Variants in PRPF38A observed in about 807,000 individuals in gnomAD.
The protein encoded by PRPF38A is pre-mRNA-splicing factor 38A.
In PRPF38A, 11 loss-of-function variants were observed where a neutral mutation model predicts 46.8. That is an observed-to-expected ratio of 0.24 (90% CI 0.15 to 0.39). PRPF38A has a LOEUF of 0.39. PRPF38A is among the 10% of genes least tolerant of loss of function. The probability of loss-of-function intolerance (pLI) is 1.00; values close to 1 mark genes in which losing one functional copy is unlikely to be tolerated. For synonymous variants in PRPF38A, 124 were observed against 136.2 expected, an observed-to-expected ratio of 0.91 and a Z score of 0.62; for missense variants, 261 against 407.5, an observed-to-expected ratio of 0.64 and a Z score of 3.10.
Position 52,418,327 on chromosome 1 carries a change from T to C in PRPF38A, c.*1637T>C, listed in dbSNP as rs985531979. 7 of 152,344 alleles carry C rather than the reference T, an allele frequency of 4.6e-5. No individual in the cohort carries two copies. The highest frequency in any genetic ancestry group is 1.7e-4 in the African/African-American group (7 of 41,584). The allele number at this position is 152,344 out of a possible 1,614,324, so 9.4% of individuals were successfully genotyped here. A position where few individuals can be genotyped will look rare whatever the true frequency, so the allele number is the denominator to read the frequency against. ...GCATCTGTACGTAAATGTATTACAGTGTCATAGCAGTTATTTCTTTATGAA... is the reference window on the plus strand; with the variant it reads ...GCATCTGTACGTAAATGTATTACAGCGTCATAGCAGTTATTTCTTTATGAA... On this transcript the variant is annotated 3_prime_UTR_variant, in exon 10 of 10. Transcript: ENST00000257181.
intron 1 of PRPF38A, 100 bp from the exon 2 acceptor site, chr1:52,405,580 C>G: frequency 9.8e-7 from 1 of 1,021,002 alleles, no homozygotes; most frequent in Non-Finnish European, 1.5e-6. Context: ...TAATATTACA[C>G]TGTTGATGTA....
Position 52,415,832 on chromosome 1 carries a change from C to CTTTTT in PRPF38A, c.896+470_896+474dup, listed in dbSNP as rs71041898. 2.5e-4 allele frequency among the ~76,000 whole-genome samples: 13 copies of CTTTTT among 51,610 alleles called. 4 individuals are homozygous for CTTTTT. The highest frequency in any genetic ancestry group is 1.0e-3 in the African/African-American group (11 of 10,890). 33.9% of individuals were successfully genotyped at this position (51,610 alleles called of 152,430 possible). On this transcript the variant is annotated intron_variant, in intron 9 of 9. Coordinates refer to ENST00000257181, the MANE Select transcript of PRPF38A (RefSeq NM_032864.4). Reference sequence around the variant, plus strand: ...TGTGCCATATACCGTTGGGTGCACTCTTTTTTTTTTTTTTTTTTTTTTTTT... The same window carrying CTTTTT: ...TGTGCCATATACCGTTGGGTGCACTCTTTTTTTTTTTTTTTTTTTTTTTTTTTTTT...
Position 52,420,140 on chromosome 1 carries a change from A to ATTT in PRPF38A, c.*3452_*3454dup, listed in dbSNP as rs1296438008. 6.6e-6 allele frequency: 1 copy of ATTT among 152,234 alleles called. No individual in the cohort carries two copies. The highest frequency in any genetic ancestry group is 6.5e-5 in the Admixed American group (1 of 15,292). The allele number at this position is 152,234 out of a possible 1,614,324, so 9.4% of individuals were successfully genotyped here. On this transcript the variant is annotated 3_prime_UTR_variant, in exon 10 of 10. Transcript: ENST00000257181. ...AAAGGTTTGAGAAAAAGTGCCAGGAATTTTATACTTTGCCAAAGTTGTCTT... is the reference window on the plus strand; with the variant it reads ...AAAGGTTTGAGAAAAAGTGCCAGGAATTTTTTTATACTTTGCCAAAGTTGTCTT...
chr1:52,408,795 A>G (rs1024873258), intron 3 of PRPF38A, 105 bp downstream of exon 3: 22 of 1,351,302 alleles, frequency 1.6e-5, no homozygotes, highest in African/African-American at 5.8e-5. Context: ...GCTCCTTTTC[A>G]TCTACATTGT....
In PRPF38A at chr1:52,414,756, C is replaced by G. The variant is rs1648242343; in HGVS notation, c.750-6C>G. On this transcript the variant is annotated splice_region_variant and splice_polypyrimidine_tract_variant and intron_variant, in intron 7 of 9. Coordinates refer to ENST00000257181, the MANE Select transcript of PRPF38A (RefSeq NM_032864.4). ...GATCTGGTAGTCTGACCAGTCTTTT[C>G]TACAGCCCCTCCCCTCGCCGAGAAA... The G allele has an allele frequency of 6.2e-7, 1 of 1,613,998 alleles. No individual in the cohort carries two copies. The highest frequency in any genetic ancestry group is 8.5e-7 in the Non-Finnish European group (1 of 1,180,030).
At chr1:52,414,685 T>C (rs771136103) in intron 7 of PRPF38A, 38 bp downstream of exon 7, 2 of 1,613,976 alleles carry the variant, frequency 1.2e-6, no homozygotes, top group Non-Finnish European at 1.7e-6. Flanking sequence ...GATAGGGCTT[T>C]GGGGAGGGGG....
chr1:52,415,965 C>T (rs1648280569), intron 9 of PRPF38A, among the ~76,000 whole-genome samples: 1 of 148,578 alleles, frequency 6.7e-6, no homozygotes, highest in South Asian at 2.1e-4. Flanking sequence ...GCCTCAGCTT[C>T]TCGAGTAGCT....
Position 52,414,811 on chromosome 1 carries a change from C to T in PRPF38A, c.799C>T (p.Arg267Cys), listed in dbSNP as rs758321944. The change falls in exon 8 of 10, where the codon CGC (arginine) becomes TGC (cysteine). Residue 267 changes from arginine to cysteine, a missense_variant. Physicochemically the swap from Arg to Cys is radical, Grantham distance 180. Coordinates refer to ENST00000257181, the MANE Select transcript of PRPF38A (RefSeq NM_032864.4). ...RHRSKSPRRHRSRSRDRRHRS... is the reference protein window; with the variant it reads ...RHRSKSPRRHCSRSRDRRHRS... The stretch of plus-strand genomic sequence containing the variant: ...TCGGAGCAAGAGTCCAAGACGTCAC[C>T]GCAGCAGGTCCCGAGATCGGCGGCA... 8.7e-6 allele frequency: 14 copies of T among 1,613,996 alleles called. No individual in the cohort carries two copies. The highest frequency in any genetic ancestry group is 3.3e-5 in the Admixed American group (2 of 59,998).
chr1:52,415,306 A>C lies in PRPF38A; in HGVS notation c.848-32A>C, dbSNP rs191261569. 1,324 of 1,606,954 alleles carry C rather than the reference A, an allele frequency of 8.2e-4. 18 individuals are homozygous for C. Among genetic ancestry groups the C allele is most frequent in the South Asian group, 8.0e-3 (723 of 90,774 alleles). On this transcript the variant is annotated intron_variant, in intron 8 of 9. Coordinates refer to ENST00000257181, the MANE Select transcript of PRPF38A (RefSeq NM_032864.4). The stretch of plus-strand genomic sequence containing the variant: ...GACAGTTTAATAAGAGTAGAAGGGT[A>C]GGATCTTATGCAATGGCCTTTTCTT...
At chr1:52,414,691 G>A (rs112113713) in intron 7 of PRPF38A, 44 bp downstream of exon 7, 1 of 1,613,620 alleles carries the variant, frequency 6.2e-7, no homozygotes, top group South Asian at 1.1e-5. Context: ...GCTTTGGGGA[G>A]GGGGTGGTGG....
chr1:52,406,836 C>T (rs1648010796), intron 2 of PRPF38A, among the ~76,000 whole-genome samples: 1 of 152,134 alleles, frequency 6.6e-6, no homozygotes, highest in South Asian at 2.1e-4. Context: ...GAAACTGAGG[C>T]ACAGAGATTA....
rs1557589796 is a variant in PRPF38A at position 52,404,747 on chromosome 1, A to G, written c.-3A>G. On this transcript the variant is annotated 5_prime_UTR_variant, in exon 1 of 10. Coordinates refer to ENST00000257181, the MANE Select transcript of PRPF38A (RefSeq NM_032864.4). ...ACGGAAATAGAATTGAAGGCATTCT[A>G]AAATGGCTAACCGTACAGTGAAGGA... The G allele has an allele frequency of 1.2e-6, 2 of 1,612,368 alleles. No homozygotes were observed. Among genetic ancestry groups the G allele is most frequent in the Non-Finnish European group, 1.7e-6 (2 of 1,179,394 alleles).
intron 4 of PRPF38A, 91 bp from the exon 5 acceptor site, chr1:52,412,423 G>A: frequency 1.3e-6 from 1 of 790,160 alleles, no homozygotes. Flanking sequence ...TGCCTCAGCT[G>A]TTGCTCCTTG....
chr1:52,415,949 T>A lies in PRPF38A; in HGVS notation c.896+563T>A, dbSNP rs539809937. ...GCTCCACCTCCTGGGCTCACGCCAT[T>A]CTCCTGCCTCAGCTTCTCGAGTAGC... On this transcript the variant is annotated intron_variant, in intron 9 of 9. Coordinates refer to ENST00000257181, the MANE Select transcript of PRPF38A (RefSeq NM_032864.4). Among the ~76,000 whole-genome samples the A allele has an allele frequency of 2.7e-5, 4 of 147,626 alleles. No homozygotes were observed. In the South Asian group the frequency reaches 8.8e-4, roughly 33 times the overall value.
Position 52,414,638 on chromosome 1 carries a change from A to G in PRPF38A, c.740A>G (p.Lys247Arg). Residue 247 changes from lysine (K) to arginine (R), a missense_variant, in exon 7 of 10, where the codon AAA becomes AGA. By Grantham distance (26) the Lys-to-Arg change is conservative. Around this residue, in one of 2 missense-constraint regions of PRPF38A, gnomAD observed 180 missense variants for 221.0 expected, o/e 0.81. Coordinates refer to ENST00000257181, the MANE Select transcript of PRPF38A (RefSeq NM_032864.4). ...CTTTATAGGCGGAGTCGATCTCCCA[A>G]AAGGAGAAGGTAGGCCTTCAGTCAT... ...RSPRRRSRSP[K>R]RRSPSPRRER... is the part of the protein sequence containing the mutation. The G allele has an allele frequency of 6.2e-7, 1 of 1,613,882 alleles. No individual in the cohort carries two copies. Among genetic ancestry groups the G allele is most frequent in the Non-Finnish European group, 8.5e-7 (1 of 1,180,000 alleles).
In PRPF38A at chr1:52,412,495, C is replaced by G; in HGVS notation, c.499-19C>G. The G allele has an allele frequency of 6.3e-7, 1 of 1,577,954 alleles. No individual in the cohort carries two copies. Among genetic ancestry groups the G allele is most frequent in the East Asian group, 2.2e-5 (1 of 44,670 alleles). On this transcript the variant is annotated intron_variant, in intron 4 of 9. Coordinates refer to ENST00000257181, the MANE Select transcript of PRPF38A (RefSeq NM_032864.4). ...GGGGAAATGGCAACAACCCCTAACTCTCATCATTTTCTCTGTAGAAACGCT... is the reference window on the plus strand; with the variant it reads ...GGGGAAATGGCAACAACCCCTAACTGTCATCATTTTCTCTGTAGAAACGCT...
At chr1:52,414,528 A>C in intron 6 of PRPF38A, 93 bp from the exon 7 acceptor site, 2 of 1,321,708 alleles carry the variant, frequency 1.5e-6, no homozygotes, top group South Asian at 1.2e-5. Context: ...TGGGTGATAC[A>C]GAGAAGCGTG....
chr1:52,415,006 T>G, intron 8 of PRPF38A, 147 bp downstream of exon 8: 1 of 722,784 alleles, frequency 1.4e-6, no homozygotes, highest in South Asian at 1.8e-5. Flanking sequence ...GGTTCACAGC[T>G]TGACTGTCAC....
At chr1:52,415,923 A>G (rs1648278655) in intron 9 of PRPF38A, among the ~76,000 whole-genome samples, 1 of 140,712 alleles carries the variant, frequency 7.1e-6, no homozygotes, top group African/African-American at 2.7e-5. Flanking sequence ...GCTCACTGCA[A>G]GCTCCACCTC....
Sources: allele counts gnomAD v4.1 joint callset (sites outside exome capture counted in the v4.1 genomes callset), GRCh38; gene constraint gnomAD v4.1.1; regional missense constraint gnomAD v4.1.1; transcripts MANE v1.5; gene names NCBI Gene and HGNC (gene_info 2026-07-23, HGNC 2026-07-21).